LRIF1: variants seen among roughly 807,000 people sequenced by gnomAD.
The protein encoded by LRIF1 is ligand dependent nuclear receptor interacting factor 1, also known as ligand-dependent nuclear receptor-interacting factor 1.
Under a neutral mutation model 52.7 loss-of-function variants are expected in LRIF1, and 32 were observed. The ratio of observed to expected loss-of-function variants is 0.61; its 90% confidence interval spans 0.46 to 0.82. The LOEUF is 0.82. Among genes scored for constraint, LRIF1 ranks in the 40% least tolerant of loss-of-function variants. LRIF1 has a pLI of 0.00. For missense variants in LRIF1, 887 were observed against 892.0 expected (o/e 0.99, Z 0.07); for synonymous variants, 323 against 317.4 (o/e 1.02, Z -0.19).
At chr1:110,935,602 G>A in the LRIF1 span, among the ~76,000 whole-genome samples, 11 of 152,206 alleles carry the variant, frequency 7.2e-5, no homozygotes, top group East Asian at 1.9e-4. Context: ...TTGATCAGGC[G>A]GAAGAAAGAA....
At chr1:110,958,973 C>T (rs1480247954) in intron 1 of LRIF1, among the ~76,000 whole-genome samples, 1 of 152,182 alleles carries the variant, frequency 6.6e-6, no homozygotes, top group Non-Finnish European at 1.5e-5. Context: ...TATCAATATA[C>T]AGTTTTTCAT....
At chr1:110,906,349 A>C in the LRIF1 span, among the ~76,000 whole-genome samples, 1 of 152,134 alleles carries the variant, frequency 6.6e-6, no homozygotes, top group African/African-American at 2.4e-5. Context: ...ATTTGAAACC[A>C]GCCTAGTCAA....
chr1:110,908,724 T>G, the LRIF1 span, among the ~76,000 whole-genome samples: 6 of 151,976 alleles, frequency 3.9e-5, no homozygotes, highest in African/African-American at 1.5e-4. Flanking sequence ...GAACAAAACC[T>G]CTAAGAAATA....
the LRIF1 span, among the ~76,000 whole-genome samples, chr1:110,877,028 T>C: frequency 1.3e-5 from 2 of 152,222 alleles, no homozygotes; most frequent in African/African-American, 2.4e-5. Context: ...TTAACACTTA[T>C]GCAATATAAT....
At chr1:110,902,473 C>A in the LRIF1 span, among the ~76,000 whole-genome samples, 2 of 47,942 alleles carry the variant, frequency 4.2e-5, no homozygotes, top group Non-Finnish European at 4.2e-5. Context: ...TTACAGTGAT[C>A]AAATCGAACT....
Position 110,950,036 on chromosome 1 carries a change from A to G in LRIF1, c.1684T>C (p.Leu562=), listed in dbSNP as rs1444468900. The change falls in exon 3 of 4, where the codon TTA becomes CTA. Residue 562 remains leucine, a synonymous_variant. Coordinates refer to ENST00000369763, the MANE Select transcript of LRIF1 (RefSeq NM_018372.4). ...AATTCAGCATCACTCTTCAGATGTA[A>G]TGCCTTATTACTTCTTCCTTGAGAA... ...KDSQGRSNKA[L]HLKSDAEFKK... The G allele has an allele frequency of 6.2e-7, 1 of 1,614,126 alleles. No individual in the cohort carries two copies. Among genetic ancestry groups the G allele is most frequent in the South Asian group, 1.1e-5 (1 of 91,084 alleles).
the LRIF1 span, chr1:110,896,693 G>C: frequency 1.2e-6 from 2 of 1,613,650 alleles, no homozygotes; most frequent in Non-Finnish European, 8.5e-7. Flanking sequence ...GATTGGACCA[G>C]TGGCCCACCA....
At chr1:110,931,433 C>T in the LRIF1 span, among the ~76,000 whole-genome samples, 8,764 of 152,124 alleles carry the variant, frequency 0.058, 291 homozygotes, top group East Asian at 0.13. Context: ...TGAATAGTGG[C>T]GCAAGAAACA....
chr1:110,907,583 A>T, the LRIF1 span, among the ~76,000 whole-genome samples: 2 of 152,268 alleles, frequency 1.3e-5, no homozygotes, highest in African/African-American at 4.8e-5. Flanking sequence ...AATACAAAAA[A>T]AATTAGCTGG....
downstream of LRIF1, among the ~76,000 whole-genome samples, chr1:110,946,794 T>A (rs1658218542): frequency 6.6e-6 from 1 of 151,614 alleles, no homozygotes; most frequent in South Asian, 2.1e-4. Context: ...TTAGTTAGGA[T>A]TACAGGTGCC....
chr1:110,937,892 C>T, the LRIF1 span: 2 of 152,124 alleles, frequency 1.3e-5, no homozygotes, highest in South Asian at 4.1e-4. Flanking sequence ...ACAACTGATA[C>T]TGCAGAAATT....
the LRIF1 span, among the ~76,000 whole-genome samples, chr1:110,884,040 AC>A: frequency 6.6e-6 from 1 of 151,866 alleles, no homozygotes; most frequent in South Asian, 2.1e-4. Context: ...TTCATTATCT[AC>A]TTCCTTCTGC....
chr1:110,918,480 G>T, the LRIF1 span, among the ~76,000 whole-genome samples: 1 of 152,036 alleles, frequency 6.6e-6, no homozygotes, highest in East Asian at 1.9e-4. Flanking sequence ...ATGTATAAAT[G>T]ACAAAGAATT....
intron 1 of LRIF1, among the ~76,000 whole-genome samples, chr1:110,961,313 GC>G (rs1006069881): frequency 6.6e-6 from 1 of 152,130 alleles, no homozygotes; most frequent in African/African-American, 2.4e-5. Context: ...TAGATAGTAG[GC>G]ACTAAATGAA....
chr1:110,938,895 CAGT>C, the LRIF1 span: 1 of 152,148 alleles, frequency 6.6e-6, no homozygotes, highest in African/African-American at 2.4e-5. Context: ...AAATCAACAT[CAGT>C]AGCATTTCTA....
chr1:110,914,883 T>G, the LRIF1 span, among the ~76,000 whole-genome samples: 1 of 152,190 alleles, frequency 6.6e-6, no homozygotes, highest in Non-Finnish European at 1.5e-5. Context: ...GGTACAACAA[T>G]GTTTCACCAC....
At position 110,957,470 on chromosome 1, in the gene LRIF1, C is replaced by CAAAAAAAAAAA. The variant is rs34396800; in HGVS notation, c.69-4666_69-4656dup. 9.1e-3 allele frequency among the ~76,000 whole-genome samples: 390 copies of CAAAAAAAAAAA among 42,674 alleles called. 37 individuals are homozygous for CAAAAAAAAAAA. Among genetic ancestry groups the CAAAAAAAAAAA allele is most frequent in the East Asian group, 0.016 (17 of 1,090 alleles). 28.0% of individuals were successfully genotyped at this position (42,674 alleles called of 152,430 possible). On this transcript the variant is annotated intron_variant, in intron 1 of 3. Transcript: ENST00000369763. ...TGGGCGACAAAGCAAGACTCAGTCT[C>CAAAAAAAAAAA]AAAAAAAAAAAAAAAAAAAAAAGAC...
chr1:110,959,383 T>A (rs1658853060), intron 1 of LRIF1, among the ~76,000 whole-genome samples: 2 of 152,116 alleles, frequency 1.3e-5, no homozygotes, highest in South Asian at 4.1e-4. Context: ...CCTGGGAGCA[T>A]AACAGTTATC....
chr1:110,925,386 G>A, the LRIF1 span, among the ~76,000 whole-genome samples: 2 of 151,204 alleles, frequency 1.3e-5, no homozygotes, highest in African/African-American at 2.4e-5. Flanking sequence ...AGCCTCCACG[G>A]TCACATAAAC....
Sources: gnomAD v4.1 joint callset for allele counts (sites outside exome capture counted in the v4.1 genomes callset) on GRCh38, gnomAD v4.1.1 for gene constraint, MANE v1.5 for transcripts, NCBI Gene and HGNC (gene_info 2026-07-23, HGNC 2026-07-21) for gene names.